The following AGMO variants were observed in gnomAD, a reference collection of about 807,000 sequenced individuals.
AGMO encodes the protein alkylglycerol monooxygenase.
A neutral mutation model predicts 60.2 loss-of-function variants in AGMO; 75 were observed. The observed-to-expected ratio is 1.25, with a 90% CI of 1.03 to 1.51. The LOEUF (loss-of-function observed/expected upper bound fraction) is 1.51, where lower values mean the gene tolerates loss of function less well. Among genes scored for constraint, AGMO ranks in the 40% most tolerant of loss-of-function variants. AGMO has a pLI of 0.00. For missense variants in AGMO, 763 were observed against 525.5 expected (o/e 1.45, Z -4.42); for synonymous variants, 261 against 177.1 (o/e 1.47, Z -3.76).
chr7:15,312,694 T>C (rs1438732387), intron 12 of AGMO, among the ~76,000 whole-genome samples: 2 of 151,806 alleles, frequency 1.3e-5, no homozygotes, highest in Non-Finnish European at 2.9e-5. Context: ...TTTTGTTTTT[T>C]CCCCCCGAGA....
At chr7:15,322,705 AAT>A (rs1190658992) in intron 12 of AGMO, among the ~76,000 whole-genome samples, 4 of 43,842 alleles carry the variant, frequency 9.1e-5, no homozygotes, top group Non-Finnish European at 1.4e-4. Flanking sequence ...AATATGTATA[AAT>A]ATATATAAAT....
At chr7:15,331,138 G>C (rs1781488395) in intron 12 of AGMO, among the ~76,000 whole-genome samples, 1 of 152,246 alleles carries the variant, frequency 6.6e-6, no homozygotes, top group East Asian at 1.9e-4. Flanking sequence ...CAGTATCTTT[G>C]TACTAGCCTT....
intron 12 of AGMO, among the ~76,000 whole-genome samples, chr7:15,353,038 T>G (rs1782315252): frequency 6.6e-6 from 1 of 151,802 alleles, no homozygotes; most frequent in East Asian, 1.9e-4. Context: ...CGAAAGGAGG[T>G]GAAACGCAGG....
At chr7:15,556,355 G>A (rs1030998275) in intron 2 of AGMO, among the ~76,000 whole-genome samples, 3 of 151,112 alleles carry the variant, frequency 2.0e-5, no homozygotes, top group Non-Finnish European at 4.4e-5. Context: ...GTAAAAATTG[G>A]CAGTGACCCA....
chr7:15,330,661 C>A (rs1161784599), intron 12 of AGMO, among the ~76,000 whole-genome samples: 1 of 152,082 alleles, frequency 6.6e-6, no homozygotes, highest in Non-Finnish European at 1.5e-5. Flanking sequence ...GGGAGAAATA[C>A]ATTCTTACAT....
chr7:15,197,402 A>G (rs1051452002), downstream of AGMO, among the ~76,000 whole-genome samples: 2 of 152,242 alleles, frequency 1.3e-5, no homozygotes, highest in African/African-American at 4.8e-5. Flanking sequence ...TTAATAAACT[A>G]TCATGTAAGC....
intron 12 of AGMO, among the ~76,000 whole-genome samples, chr7:15,241,923 C>G (rs1350129845): frequency 6.6e-6 from 1 of 152,054 alleles, no homozygotes; most frequent in Non-Finnish European, 1.5e-5. Context: ...GACTGAGTTT[C>G]CTGTTGCTGG....
intron 5 of AGMO, among the ~76,000 whole-genome samples, chr7:15,406,046 A>C (rs1249032156): frequency 1.3e-5 from 2 of 151,794 alleles, no homozygotes; most frequent in Non-Finnish European, 2.9e-5. Context: ...AGATTCATGA[A>C]ATTTTAGACA....
rs201141935 is a variant in AGMO, at chr7:15,303,128, G to GA, written c.1263+62385dup. 5.7e-3 allele frequency among the ~76,000 whole-genome samples: 865 copies of GA among 151,568 alleles called. 10 individuals are homozygous for GA. Among genetic ancestry groups the GA allele is most frequent in the African/African-American group, 0.019 (804 of 41,360 alleles). The stretch of plus-strand genomic sequence containing the variant: ...GACAGCTCAAAATGCAGATGGTTTT[G>GA]AAAAAAAAGTGCAGCCCACAGATGA... On this transcript the variant is annotated intron_variant, in intron 12 of 12. Coordinates refer to ENST00000342526, the MANE Select transcript of AGMO (RefSeq NM_001004320.2).
chr7:15,270,413 T>C (rs1303952085), intron 12 of AGMO, among the ~76,000 whole-genome samples: 1 of 151,984 alleles, frequency 6.6e-6, no homozygotes, highest in Admixed American at 6.6e-5. Context: ...TGGCCACTTG[T>C]ATGTCTTCCT....
At chr7:15,254,417 A>C (rs893362192) in intron 12 of AGMO, among the ~76,000 whole-genome samples, 6 of 151,990 alleles carry the variant, frequency 3.9e-5, no homozygotes, top group African/African-American at 1.2e-4. Flanking sequence ...TTGTTATTTG[A>C]TAATAGCCCT....
At chr7:15,378,610 A>G (rs1403058900) in intron 10 of AGMO, among the ~76,000 whole-genome samples, 3 of 151,826 alleles carry the variant, frequency 2.0e-5, no homozygotes, top group Non-Finnish European at 4.4e-5. Context: ...AGACTTTACT[A>G]CCCCACTGAC....
intron 3 of AGMO, among the ~76,000 whole-genome samples, chr7:15,489,284 C>T (rs2128520272): frequency 6.6e-6 from 1 of 152,188 alleles, no homozygotes; most frequent in South Asian, 2.1e-4. Flanking sequence ...TACTAAATAG[C>T]TTCACAAAAA....
intron 10 of AGMO, among the ~76,000 whole-genome samples, chr7:15,366,456 GTTC>G (rs1782984317): frequency 6.6e-6 from 1 of 152,014 alleles, no homozygotes. Flanking sequence ...TGCTTAAAGT[GTTC>G]ATCATCATTT....
At chr7:15,539,406 T>C (rs1784562870) in intron 3 of AGMO, among the ~76,000 whole-genome samples, 1 of 152,216 alleles carries the variant, frequency 6.6e-6, no homozygotes, top group Non-Finnish European at 1.5e-5. Flanking sequence ...TGTGGTTTTC[T>C]CTTCCTTAGT....
chr7:15,198,197 G>GAGAGAGAGAGAC (rs1781170346), downstream of AGMO, among the ~76,000 whole-genome samples: 1 of 9,124 alleles, frequency 1.1e-4, no homozygotes, highest in African/African-American at 5.2e-4. Flanking sequence ...GGGCTTTCCC[G>GAGAGAGAGAGAC]AGAGAGAGAG....
intron 12 of AGMO, among the ~76,000 whole-genome samples, chr7:15,332,143 T>C (rs1233944901): frequency 6.6e-6 from 1 of 152,152 alleles, no homozygotes; most frequent in Admixed American, 6.5e-5. Flanking sequence ...TTGGTCTTTT[T>C]CTGAGCAAAA....
At chr7:15,519,629 C>A (rs1173579559) in intron 3 of AGMO, among the ~76,000 whole-genome samples, 4 of 152,116 alleles carry the variant, frequency 2.6e-5, no homozygotes, top group African/African-American at 9.7e-5. Flanking sequence ...CACCACCAGG[C>A]CTGCCTTACA....
chr7:15,400,220 C>G (rs1363421398), intron 5 of AGMO, among the ~76,000 whole-genome samples: 1 of 152,110 alleles, frequency 6.6e-6, no homozygotes, highest in African/African-American at 2.4e-5. Flanking sequence ...CCTTACTCCT[C>G]TCATACTCTT....
Sources: gnomAD v4.1 joint callset for allele counts (sites outside exome capture counted in the v4.1 genomes callset) on GRCh38, gnomAD v4.1.1 for gene constraint, MANE v1.5 for transcripts, NCBI Gene and HGNC (gene_info 2026-07-23, HGNC 2026-07-21) for gene names.